GAS7: variants seen among roughly 807,000 people sequenced by gnomAD.
The protein encoded by GAS7 is growth arrest-specific protein 7.
In GAS7, 28 loss-of-function variants were observed where a neutral mutation model predicts 71.1. The ratio of observed to expected loss-of-function variants is 0.39; its 90% CI spans 0.29 to 0.54. The LOEUF is 0.54. GAS7 is among the 20% of genes least tolerant of loss of function. The pLI, the probability that GAS7 is intolerant of heterozygous loss-of-function variation, is 0.62. For missense variants in GAS7, 436 were observed against 627.8 expected (o/e 0.69, Z 3.27); for synonymous variants, 258 against 245.8 (o/e 1.05, Z -0.46).
intron 2 of GAS7, among the ~76,000 whole-genome samples, chr17:10,010,594 C>T (rs1417743520): frequency 6.6e-6 from 1 of 152,194 alleles, no homozygotes; most frequent in East Asian, 1.9e-4. Flanking sequence ...CTGAGAAACC[C>T]ATTGTAACTT....
intron 1 of GAS7, among the ~76,000 whole-genome samples, chr17:10,116,893 G>T (rs948403352): frequency 2.0e-4 from 31 of 151,886 alleles, no homozygotes; most frequent in African/African-American, 6.0e-4. Flanking sequence ...ATGATGAGGG[G>T]GGGAAAAGAA....
chr17:10,194,347 C>G (rs189433156), intron 1 of GAS7, among the ~76,000 whole-genome samples: 273 of 152,318 alleles, frequency 1.8e-3, no homozygotes, highest in Admixed American at 3.5e-3. Context: ...TTTCTTCTCT[C>G]CATTCAAGGA....
At chr17:10,080,360 A>G (rs1355829576) in intron 1 of GAS7, among the ~76,000 whole-genome samples, 3 of 152,172 alleles carry the variant, frequency 2.0e-5, no homozygotes, top group Admixed American at 6.5e-5. Flanking sequence ...TTTCCTGGAA[A>G]ATTCATGAAT....
At chr17:10,107,430 A>G (rs1597795879) in intron 1 of GAS7, among the ~76,000 whole-genome samples, 2 of 152,188 alleles carry the variant, frequency 1.3e-5, no homozygotes, top group Admixed American at 1.3e-4. Flanking sequence ...GCTGGGAAGG[A>G]GAAGTAGCTT....
In GAS7 at chr17:9,959,346, G is replaced by A. The variant is rs995379441; in HGVS notation, c.472-91C>T. 3.8e-6 allele frequency: 6 copies of A among 1,587,842 alleles called. No homozygotes were observed. In the Admixed American group the frequency reaches 9.0e-5, roughly 24 times the overall value. ...CAGGTTCCCTGAGGGTGGAGGCGCT[G>A]GGGAATCAGGGATGCTCAGTCTGAA... is the stretch of plus-strand genomic sequence containing the variant. On this transcript the variant is annotated intron_variant, in intron 4 of 13. Coordinates refer to ENST00000432992, the MANE Select transcript of GAS7 (RefSeq NM_201433.2). The surrounding 1 kb of genome is among the most constrained non-coding windows in gnomAD (Gnocchi z 5.0).
At chr17:9,931,790 T>A (rs1354794251) in intron 9 of GAS7, among the ~76,000 whole-genome samples, 1 of 152,178 alleles carries the variant, frequency 6.6e-6, no homozygotes, top group Non-Finnish European at 1.5e-5. Flanking sequence ...TGGGGCACAC[T>A]AAGCCATGGG....
At chr17:9,917,642 C>A (rs1405687838) in intron 13 of GAS7, among the ~76,000 whole-genome samples, 1 of 152,224 alleles carries the variant, frequency 6.6e-6, no homozygotes, top group Non-Finnish European at 1.5e-5. Context: ...GTGAACAGGA[C>A]AAATAAAACT....
At chr17:10,054,454 T>A (rs1405095788) in intron 1 of GAS7, among the ~76,000 whole-genome samples, 1 of 152,152 alleles carries the variant, frequency 6.6e-6, no homozygotes, top group Non-Finnish European at 1.5e-5. Flanking sequence ...GGATTTTTAA[T>A]GGAAAACCTG....
chr17:10,177,467 C>T (rs552300344), intron 1 of GAS7, among the ~76,000 whole-genome samples: 16 of 151,936 alleles, frequency 1.1e-4, no homozygotes, highest in East Asian at 1.9e-4. Flanking sequence ...ATGCTGCTGA[C>T]GCCATGTGTG....
chr17:9,941,257 C>T (rs971323974), intron 7 of GAS7, among the ~76,000 whole-genome samples: 4 of 152,198 alleles, frequency 2.6e-5, no homozygotes, highest in Non-Finnish European at 5.9e-5. Context: ...ACTGATCTGC[C>T]TCTGTCACTT....
chr17:10,181,509 A>T (rs1199537510), intron 1 of GAS7, among the ~76,000 whole-genome samples: 1 of 152,184 alleles, frequency 6.6e-6, no homozygotes, highest in African/African-American at 2.4e-5. Flanking sequence ...AGCAAAAAAA[A>T]GCAAAGCTGT....
chr17:10,005,210 T>C (rs917307579), intron 2 of GAS7, among the ~76,000 whole-genome samples: 5 of 146,602 alleles, frequency 3.4e-5, no homozygotes, highest in Non-Finnish European at 5.9e-5. Context: ...TGTGTGTGCA[T>C]GTGCGCGTGT....
intron 1 of GAS7, among the ~76,000 whole-genome samples, chr17:10,066,163 G>A (rs2152244704): frequency 6.6e-6 from 1 of 152,272 alleles, no homozygotes; most frequent in South Asian, 2.1e-4. Flanking sequence ...AGGAAAGTAG[G>A]GACTGAAGAA....
At position 10,078,993 on chromosome 17, in the gene GAS7, G is replaced by C. The variant is rs148411769; in HGVS notation, c.184-59096C>G. Among the ~76,000 whole-genome samples, 387 of 152,288 alleles carry C rather than the reference G, an allele frequency of 2.5e-3. 1 individual carries two copies. The highest frequency in any genetic ancestry group is 8.5e-3 in the African/African-American group (355 of 41,556). On this transcript the variant is annotated intron_variant, in intron 1 of 13. Coordinates refer to ENST00000432992, the MANE Select transcript of GAS7 (RefSeq NM_201433.2). ...CGCTTGAGCAGAGAAAGAAGAGAAA[G>C]AAAGGAAAGTAATCAGATGATGGTG...
chr17:9,982,616 A>G (rs1185087802), intron 2 of GAS7, among the ~76,000 whole-genome samples: 1 of 151,908 alleles, frequency 6.6e-6, no homozygotes, highest in Non-Finnish European at 1.5e-5. Context: ...GTCTCTACTA[A>G]AAACACAAAA....
chr17:9,914,782 C>T lies in GAS7; in HGVS notation c.*2446G>A, dbSNP rs368139848. 2.2e-5 allele frequency: 5 copies of T among 228,536 alleles called. No homozygotes were observed. The South Asian group carries it at 9.1e-4, about 42-fold the overall frequency. 14.2% of individuals were successfully genotyped at this position (228,536 alleles called of 1,614,324 possible). On this transcript the variant is annotated 3_prime_UTR_variant, in exon 14 of 14. Transcript: ENST00000432992. ...TAGAGGAGAGCAGAGGAATGCCCAT[C>T]TTACATACAACTAGAGCGCCGCTTC...
At chr17:10,163,558 G>A (rs1567616151) in intron 1 of GAS7, among the ~76,000 whole-genome samples, 2 of 152,028 alleles carry the variant, frequency 1.3e-5, no homozygotes, top group African/African-American at 2.4e-5. Flanking sequence ...GAAATAAAAA[G>A]GCATCTAACA....
chr17:10,165,305 A>AG (rs1254908422), intron 1 of GAS7, among the ~76,000 whole-genome samples: 5 of 151,410 alleles, frequency 3.3e-5, no homozygotes, highest in Non-Finnish European at 5.9e-5. Flanking sequence ...AAAAAAAAAA[A>AG]AAAAAAGAAA....
chr17:9,957,751 C>G (rs1278092639), intron 5 of GAS7, among the ~76,000 whole-genome samples: 1 of 152,114 alleles, frequency 6.6e-6, no homozygotes. Context: ...ATCAACTCCA[C>G]CGGTAACAGG....
Sources: allele counts gnomAD v4.1 joint callset (sites outside exome capture counted in the v4.1 genomes callset), GRCh38; gene constraint gnomAD v4.1.1; non-coding constraint Gnocchi (gnomAD v3.1); transcripts MANE v1.5; gene names NCBI Gene and HGNC (gene_info 2026-07-23, HGNC 2026-07-21).